CUL2: variants seen among roughly 807,000 people sequenced by gnomAD.
The protein encoded by CUL2 is cullin-2.
A neutral mutation model predicts 110.2 loss-of-function variants in CUL2; 22 were observed. The ratio of observed to expected loss-of-function variants is 0.20; its 90% CI spans 0.14 to 0.28. The LOEUF (loss-of-function observed/expected upper bound fraction) is 0.28, where lower values mean the gene tolerates loss of function less well. Ranked by LOEUF, CUL2 falls within the 10% of genes least tolerant of loss-of-function variation. CUL2 has a pLI of 1.00. For missense variants in CUL2, 631 were observed against 905.5 expected, an observed-to-expected ratio of 0.70 and a Z score of 3.89; for synonymous variants, 279 against 293.2, an observed-to-expected ratio of 0.95 and a Z score of 0.49.
intron 1 of CUL2, among the ~76,000 whole-genome samples, chr10:35,117,755 T>C (rs558435779): frequency 6.6e-6 from 1 of 152,344 alleles, no homozygotes; most frequent in African/African-American, 2.4e-5. Context: ...TCCATGAAAG[T>C]TGTAGGCATG....
chr10:35,035,103 A>C, intron 10 of CUL2, 69 bp downstream of exon 10: 3 of 1,553,902 alleles, frequency 1.9e-6, no homozygotes, highest in Non-Finnish European at 2.7e-6. Context: ...CAAAACAATA[A>C]AGTCAAAGGA....
upstream of CUL2, among the ~76,000 whole-genome samples, chr10:35,091,448 G>A (rs2087201689): frequency 6.6e-6 from 1 of 152,034 alleles, no homozygotes; most frequent in Non-Finnish European, 1.5e-5. Flanking sequence ...TTTTATATAC[G>A]AAATTCAATC....
intron 17 of CUL2, among the ~76,000 whole-genome samples, chr10:35,018,763 C>CAAAA (rs35275515): frequency 2.0e-4 from 24 of 117,340 alleles, no homozygotes; most frequent in African/African-American, 5.5e-4. Flanking sequence ...AACTCCGTCT[C>CAAAA]AAAAAAAAAA....
At chr10:35,023,759 GAA>G (rs71523353) in intron 17 of CUL2, among the ~76,000 whole-genome samples, 1 of 147,672 alleles carries the variant, frequency 6.8e-6, no homozygotes. Flanking sequence ...TTTCTTAGGG[GAA>G]AAAAAAAAAA....
intron 17 of CUL2, among the ~76,000 whole-genome samples, chr10:35,018,490 G>A (rs1419412700): frequency 1.1e-4 from 17 of 151,952 alleles, no homozygotes; most frequent in Middle Eastern, 3.4e-3. Context: ...TAGGCCGGGC[G>A]CAGTGGCTCA....
intron 4 of CUL2, among the ~76,000 whole-genome samples, chr10:35,060,456 A>C (rs942360160): frequency 2.0e-5 from 3 of 152,194 alleles, no homozygotes; most frequent in Non-Finnish European, 4.4e-5. Context: ...ATAACCCAGT[A>C]ATTTATCTAA....
At chr10:35,086,453 A>T (rs772676889) in intron 1 of CUL2, among the ~76,000 whole-genome samples, 1 of 151,940 alleles carries the variant, frequency 6.6e-6, no homozygotes, top group Non-Finnish European at 1.5e-5. Context: ...ACACCTGGCT[A>T]ATTTCTGTAT....
At chr10:35,064,915 G>A (rs2086478230) in intron 2 of CUL2, among the ~76,000 whole-genome samples, 1 of 152,152 alleles carries the variant, frequency 6.6e-6, no homozygotes, top group Admixed American at 6.5e-5. Context: ...GGAGAAAGGA[G>A]CTACACAAGA....
intron 1 of CUL2, among the ~76,000 whole-genome samples, chr10:35,114,057 G>A (rs548312590): frequency 2.7e-5 from 4 of 148,262 alleles, no homozygotes; most frequent in South Asian, 4.2e-4. Flanking sequence ...ACAGGTGCCC[G>A]CCACCACACC....
chr10:35,048,839 G>GGT (rs1331463188), intron 6 of CUL2, among the ~76,000 whole-genome samples: 2 of 152,022 alleles, frequency 1.3e-5, no homozygotes, highest in Non-Finnish European at 2.9e-5. Flanking sequence ...CATAGGGGTG[G>GGT]GTGTGTGTGT....
intron 1 of CUL2, among the ~76,000 whole-genome samples, chr10:35,079,969 G>A (rs1465399772): frequency 6.6e-6 from 1 of 152,206 alleles, no homozygotes; most frequent in African/African-American, 2.4e-5. Flanking sequence ...GATGATTCAC[G>A]TCTGAGCAGG....
intron 4 of CUL2, among the ~76,000 whole-genome samples, chr10:35,060,120 G>A (rs911904465): frequency 1.3e-5 from 2 of 152,102 alleles, no homozygotes; most frequent in Admixed American, 1.3e-4. Flanking sequence ...CATTAGCCAG[G>A]CATGGCGGTG....
chr10:35,029,294 A>G (rs940600172), intron 15 of CUL2, among the ~76,000 whole-genome samples, 194 bp downstream of exon 15: 4 of 152,088 alleles, frequency 2.6e-5, no homozygotes, highest in Admixed American at 2.6e-4. Context: ...TGAGCTCAAG[A>G]GATCTGCCTG....
chr10:35,014,756 C>T (rs559913859), intron 18 of CUL2, among the ~76,000 whole-genome samples: 30 of 152,174 alleles, frequency 2.0e-4, no homozygotes, highest in African/African-American at 6.3e-4. Context: ...TCACTTGAGC[C>T]CAGGAGGTGG....
intron 2 of CUL2, among the ~76,000 whole-genome samples, chr10:35,066,223 A>C (rs1251231085): frequency 6.6e-6 from 1 of 152,230 alleles, no homozygotes; most frequent in Non-Finnish European, 1.5e-5. Flanking sequence ...TACCTAAAAA[A>C]ATGAAAATGT....
intron 9 of CUL2, among the ~76,000 whole-genome samples, chr10:35,036,255 C>T (rs1371275614): frequency 1.3e-5 from 2 of 152,186 alleles, no homozygotes; most frequent in African/African-American, 4.8e-5. Flanking sequence ...TAAGGATCAT[C>T]TATGTTGTTG....
At chr10:35,046,424 G>A (rs2134818455) in intron 6 of CUL2, among the ~76,000 whole-genome samples, 1 of 152,348 alleles carries the variant, frequency 6.6e-6, no homozygotes, top group East Asian at 1.9e-4. Flanking sequence ...GTGTACAACA[G>A]AAACAAGAGT....
chr10:35,075,563 T>A (rs2086794469), intron 1 of CUL2, among the ~76,000 whole-genome samples: 2 of 151,958 alleles, frequency 1.3e-5, no homozygotes, highest in African/African-American at 4.8e-5. Context: ...AGTTTCCTTG[T>A]GAGTTCCACT....
chr10:35,016,797 C>T (rs568083151), intron 17 of CUL2, among the ~76,000 whole-genome samples: 2 of 151,814 alleles, frequency 1.3e-5, no homozygotes, highest in East Asian at 3.9e-4. Context: ...CATGGTGGCT[C>T]ATGCTTGTAA....
Sources: gnomAD v4.1 joint callset for allele counts (sites outside exome capture counted in the v4.1 genomes callset) on GRCh38, gnomAD v4.1.1 for gene constraint, MANE v1.5 for transcripts, NCBI Gene and HGNC (gene_info 2026-07-23, HGNC 2026-07-21) for gene names.